Variants in PRKD3 observed in about 807,000 individuals in gnomAD.
PRKD3 encodes protein kinase D3.
Under a neutral mutation model 99.2 loss-of-function variants are expected in PRKD3, and 47 were observed. The observed-to-expected ratio is 0.47, with a 90% CI of 0.38 to 0.60. The LOEUF is 0.60. Ranked by LOEUF, PRKD3 falls within the 20% of genes least tolerant of loss-of-function variation. The probability of loss-of-function intolerance (pLI) is 0.00; values close to 1 mark genes in which losing one functional copy is unlikely to be tolerated. For missense variants in PRKD3, 1,019 were observed against 1,088.4 expected (o/e 0.94, Z 0.90); for synonymous variants, 392 against 355.4 (o/e 1.10, Z -1.16).
intron 2 of PRKD3, among the ~76,000 whole-genome samples, chr2:37,303,719 G>C (rs1054230815): frequency 6.6e-6 from 1 of 152,130 alleles, no homozygotes; most frequent in Non-Finnish European, 1.5e-5. Context: ...GAGATTACAG[G>C]TATGAGCTGC....
Position 37,252,157 on chromosome 2 carries a change from ATC to A in PRKD3, c.*1018_*1019del, listed in dbSNP as rs1667551860. On this transcript the variant is annotated 3_prime_UTR_variant, in exon 19 of 19. Coordinates refer to ENST00000234179, the MANE Select transcript of PRKD3 (RefSeq NM_005813.6). ...TAATTGACTTTAAAACACTCCAGAT[ATC>A]TGCAAAGCCCAATAGGCTAGGGGAA... The A allele has an allele frequency of 6.6e-6, 1 of 152,186 alleles. No individual in the cohort carries two copies. The highest frequency in any genetic ancestry group is 1.5e-5 in the Non-Finnish European group (1 of 68,036). The allele number at this position is 152,186 out of a possible 1,614,324, so 9.4% of individuals were successfully genotyped here.
intron 2 of PRKD3, among the ~76,000 whole-genome samples, chr2:37,298,245 G>C (rs575046258): frequency 1.3e-5 from 2 of 152,282 alleles, no homozygotes; most frequent in South Asian, 2.1e-4. Context: ...GTAGTCAACA[G>C]TGTTGCCAGT....
chr2:37,294,152 T>C (rs1670570842), intron 2 of PRKD3, among the ~76,000 whole-genome samples: 1 of 152,184 alleles, frequency 6.6e-6, no homozygotes, highest in Admixed American at 6.5e-5. Flanking sequence ...ATGAGTACAG[T>C]GGTGTGATCA....
intron 2 of PRKD3, among the ~76,000 whole-genome samples, chr2:37,298,710 G>T (rs1298256583): frequency 6.6e-6 from 1 of 151,694 alleles, no homozygotes; most frequent in Admixed American, 6.6e-5. Context: ...AATTTTCTTG[G>T]TTTCTATTCC....
chr2:37,284,254 C>G (rs1460390200), intron 6 of PRKD3, among the ~76,000 whole-genome samples: 3 of 152,012 alleles, frequency 2.0e-5, no homozygotes, highest in African/African-American at 7.2e-5. Context: ...AGGGAAATCA[C>G]TGAATTATAA....
intron 3 of PRKD3, among the ~76,000 whole-genome samples, chr2:37,292,322 C>T (rs531633326): frequency 5.9e-5 from 9 of 151,364 alleles, no homozygotes; most frequent in Non-Finnish European, 1.2e-4. Context: ...TCAAGTAATT[C>T]AGTTTATTTT....
At chr2:37,317,928 T>C (rs1439254025) in intron 1 of PRKD3, 1 of 151,290 alleles carries the variant, frequency 6.6e-6, no homozygotes, top group East Asian at 1.9e-4. Flanking sequence ...ACAGTAGGTA[T>C]AGTTAAATAT....
intron 5 of PRKD3, among the ~76,000 whole-genome samples, chr2:37,288,582 G>A (rs1370275925): frequency 6.6e-6 from 1 of 152,174 alleles, no homozygotes; most frequent in Non-Finnish European, 1.5e-5. Context: ...AAATGTACAA[G>A]GGAGTTATTT....
intron 5 of PRKD3, among the ~76,000 whole-genome samples, chr2:37,286,834 A>T (rs760354090): frequency 2.6e-5 from 4 of 152,234 alleles, no homozygotes; most frequent in Non-Finnish European, 4.4e-5. Context: ...AATGGCAGAT[A>T]CAAAACTAAT....
intron 6 of PRKD3, among the ~76,000 whole-genome samples, chr2:37,284,099 A>G (rs1669981191): frequency 6.6e-6 from 1 of 152,204 alleles, no homozygotes; most frequent in African/African-American, 2.4e-5. Flanking sequence ...AATAAAGACA[A>G]ACAGATTAAT....
At chr2:37,267,581 C>A in intron 13 of PRKD3, 45 bp from the exon 14 acceptor site, 2 of 1,365,344 alleles carry the variant, frequency 1.5e-6, no homozygotes, top group South Asian at 2.4e-5. Context: ...AAACTGACAG[C>A]TTTATTAGGG....
At chr2:37,322,013 T>A (rs903983462) in intron 1 of PRKD3, among the ~76,000 whole-genome samples, 8 of 152,192 alleles carry the variant, frequency 5.3e-5, no homozygotes, top group African/African-American at 1.4e-4. Flanking sequence ...ATAACATGAA[T>A]TCCTCCCAGT....
chr2:37,304,996 G>A (rs1293292420), intron 2 of PRKD3, among the ~76,000 whole-genome samples: 1 of 152,074 alleles, frequency 6.6e-6, no homozygotes, highest in African/African-American at 2.4e-5. Flanking sequence ...TTTCAGATTA[G>A]TAATGGCTGC....
intron 2 of PRKD3, among the ~76,000 whole-genome samples, chr2:37,307,168 G>A (rs77053205): frequency 0.023 from 3,463 of 152,226 alleles, 59 homozygotes; most frequent in Middle Eastern, 0.051. Context: ...AATGTTCCCA[G>A]GGGGTCAAAA....
rs1667573998 is a variant in PRKD3, at chr2:37,252,476, T to C, written c.*701A>G. Reference sequence around the variant, plus strand: ...ATTTGTCCCTAATTATCTTAGAAGCTGTTGCAACACACAGAAGGTGACAAT... The same window carrying C: ...ATTTGTCCCTAATTATCTTAGAAGCCGTTGCAACACACAGAAGGTGACAAT... On this transcript the variant is annotated 3_prime_UTR_variant, in exon 19 of 19. Coordinates refer to ENST00000234179, the MANE Select transcript of PRKD3 (RefSeq NM_005813.6). 6.6e-6 allele frequency: 1 copy of C among 152,204 alleles called. No individual in the cohort carries two copies. Among genetic ancestry groups the C allele is most frequent in the African/African-American group, 2.4e-5 (1 of 41,454 alleles). 9.4% of individuals were successfully genotyped at this position (152,204 alleles called of 1,614,324 possible). A position where few individuals can be genotyped will look rare whatever the true frequency, so the allele number is the denominator to read the frequency against.
intron 7 of PRKD3, 55 bp from the exon 8 acceptor site, chr2:37,279,984 A>G (rs1669772125): frequency 8.0e-7 from 1 of 1,244,620 alleles, no homozygotes; most frequent in Non-Finnish European, 1.1e-6. Context: ...GAAGTCCATT[A>G]AATGTGAAAA....
chr2:37,321,795 T>C (rs755837072), intron 1 of PRKD3, among the ~76,000 whole-genome samples: 1 of 152,106 alleles, frequency 6.6e-6, no homozygotes, highest in Non-Finnish European at 1.5e-5. Context: ...TTTAAGGAAA[T>C]ATTTAAGCTG....
Position 37,259,590 on chromosome 2 carries a change from A to T in PRKD3, c.2138T>A (p.Phe713Tyr). 1.2e-6 allele frequency: 2 copies of T among 1,609,242 alleles called. No homozygotes were observed. The highest frequency in any genetic ancestry group is 1.7e-6 in the Non-Finnish European group (2 of 1,175,952). The change falls in exon 16 of 19, where the codon TTT becomes TAT. Residue 713 changes from phenylalanine (F) to tyrosine (Y), a missense_variant. Physicochemically the swap from Phe to Tyr is conservative, Grantham distance 22. Coordinates refer to ENST00000234179, the MANE Select transcript of PRKD3 (RefSeq NM_005813.6). The part of the protein sequence containing the change: ...ENVLLASAEP[F>Y]PQVKLCDFGF... ...TTCTGGAGAATATCTCACCTGAGGAAATGGCTCTGCTGATGCAAGCAGCAC... is the reference window on the plus strand; with the variant it reads ...TTCTGGAGAATATCTCACCTGAGGATATGGCTCTGCTGATGCAAGCAGCAC...
At chr2:37,306,878 T>C (rs576236729) in intron 2 of PRKD3, among the ~76,000 whole-genome samples, 1 of 152,226 alleles carries the variant, frequency 6.6e-6, no homozygotes, top group African/African-American at 2.4e-5. Flanking sequence ...GCAATTCATA[T>C]TTGTAAGATT....
Sources: gnomAD v4.1 joint callset for allele counts (sites outside exome capture counted in the v4.1 genomes callset) on GRCh38, gnomAD v4.1.1 for gene constraint, MANE v1.5 for transcripts, NCBI Gene and HGNC (gene_info 2026-07-23, HGNC 2026-07-21) for gene names.